The following RAD51B variants were observed in gnomAD, a reference collection of about 807,000 sequenced individuals.
RAD51B encodes the protein DNA repair protein RAD51 homolog 2.
RAD51B carries 38 observed loss-of-function variants against 42.2 expected under a neutral mutation model. The ratio of observed to expected loss-of-function variants is 0.90; its 90% CI spans 0.70 to 1.18. The LOEUF is 1.18. Ranked by LOEUF, RAD51B falls within the 50% of genes most tolerant of loss-of-function variation. RAD51B has a pLI of 0.00. For synonymous variants in RAD51B, 154 were observed against 145.2 expected, an observed-to-expected ratio of 1.06 and a Z score of -0.43; for missense variants, 373 against 400.7, an observed-to-expected ratio of 0.93 and a Z score of 0.59.
At chr14:68,370,988 G>T (rs1278688496) in intron 8 of RAD51B, among the ~76,000 whole-genome samples, 2 of 130,370 alleles carry the variant, frequency 1.5e-5, no homozygotes, top group Non-Finnish European at 3.1e-5. Flanking sequence ...AGTGAGCCAA[G>T]ACTGTGCTGC....
intron 7 of RAD51B, among the ~76,000 whole-genome samples, chr14:68,092,694 C>G (rs1198257670): frequency 6.6e-6 from 1 of 152,086 alleles, no homozygotes; most frequent in East Asian, 1.9e-4. Context: ...CCTTTATTTC[C>G]TTTTCCTGCC....
chr14:68,435,153 GTGT>G (rs2085115377), intron 9 of RAD51B, among the ~76,000 whole-genome samples: 2 of 152,074 alleles, frequency 1.3e-5, no homozygotes, highest in South Asian at 4.1e-4. Flanking sequence ...TACCCCATAG[GTGT>G]TGTTTTAAAC....
At chr14:68,318,481 C>T (rs1170485413) in intron 8 of RAD51B, among the ~76,000 whole-genome samples, 1 of 152,158 alleles carries the variant, frequency 6.6e-6, no homozygotes, top group African/African-American at 2.4e-5. Context: ...TTGCTAAGAC[C>T]TTGAACCTGG....
At chr14:68,591,259 G>A (rs1198476311) in intron 10 of RAD51B, among the ~76,000 whole-genome samples, 2 of 152,176 alleles carry the variant, frequency 1.3e-5, no homozygotes, top group Non-Finnish European at 2.9e-5. Flanking sequence ...AGAAGTCCCA[G>A]AAGTAGGAGC....
intron 9 of RAD51B, among the ~76,000 whole-genome samples, chr14:68,462,861 C>A (rs1210757430): frequency 6.6e-6 from 1 of 152,262 alleles, no homozygotes; most frequent in East Asian, 1.9e-4. Context: ...ACATACCTAC[C>A]ACAAGGAGCC....
intron 4 of RAD51B, among the ~76,000 whole-genome samples, chr14:67,854,740 A>T (rs1266560288): frequency 6.6e-6 from 1 of 151,932 alleles, no homozygotes; most frequent in East Asian, 1.9e-4. Flanking sequence ...AAGCAGAAGG[A>T]TCGCTTGAGG....
At chr14:68,324,490 G>T (rs193296598) in intron 8 of RAD51B, among the ~76,000 whole-genome samples, 1 of 152,312 alleles carries the variant, frequency 6.6e-6, no homozygotes, top group Non-Finnish European at 1.5e-5. Context: ...ACAAGATCAA[G>T]AACCAGGACT....
chr14:68,144,403 T>C (rs2078207293), intron 7 of RAD51B, among the ~76,000 whole-genome samples: 1 of 152,244 alleles, frequency 6.6e-6, no homozygotes, highest in African/African-American at 2.4e-5. Flanking sequence ...TTGAAGAATC[T>C]TGGCTCAATA....
intron 7 of RAD51B, among the ~76,000 whole-genome samples, chr14:68,267,826 C>T (rs1595631108): frequency 1.3e-5 from 2 of 152,180 alleles, no homozygotes; most frequent in African/African-American, 4.8e-5. Context: ...CTGCTGTTTT[C>T]ACCATGCTCT....
intron 7 of RAD51B, among the ~76,000 whole-genome samples, chr14:67,930,850 C>T (rs369668843): frequency 4.1e-4 from 62 of 151,328 alleles, no homozygotes; most frequent in African/African-American, 1.1e-3. Flanking sequence ...TCCCATATAT[C>T]ATGACGACTT....
chr14:67,892,812 G>A (rs2043259918), intron 7 of RAD51B, among the ~76,000 whole-genome samples: 1 of 152,242 alleles, frequency 6.6e-6, no homozygotes, highest in South Asian at 2.1e-4. Flanking sequence ...TAAGGCTTGA[G>A]TGAACTTTCC....
At chr14:68,114,369 T>G (rs2077506678) in intron 7 of RAD51B, among the ~76,000 whole-genome samples, 1 of 152,168 alleles carries the variant, frequency 6.6e-6, no homozygotes, top group South Asian at 2.1e-4. Context: ...GAAAATCATT[T>G]GTTTTATACT....
At chr14:68,391,402 C>T (rs1287624284) in intron 8 of RAD51B, among the ~76,000 whole-genome samples, 2 of 152,048 alleles carry the variant, frequency 1.3e-5, no homozygotes, top group East Asian at 1.9e-4. Flanking sequence ...ATTTCCAACT[C>T]GCTGGGGACC....
At chr14:68,144,818 ATTTG>A (rs2078216333) in intron 7 of RAD51B, among the ~76,000 whole-genome samples, 1 of 152,192 alleles carries the variant, frequency 6.6e-6, no homozygotes, top group African/African-American at 2.4e-5. Flanking sequence ...AAACAGATGA[ATTTG>A]TTTGCTAAAA....
chr14:68,443,495 CA>C (rs2085349915), intron 9 of RAD51B, among the ~76,000 whole-genome samples: 1 of 151,886 alleles, frequency 6.6e-6, no homozygotes, highest in African/African-American at 2.4e-5. Flanking sequence ...ACATGATGAC[CA>C]AAAAAATTCA....
At chr14:68,490,576 C>T (rs775008352) in intron 10 of RAD51B, among the ~76,000 whole-genome samples, 1 of 152,228 alleles carries the variant, frequency 6.6e-6, no homozygotes, top group Non-Finnish European at 1.5e-5. Context: ...GCTAACTCTT[C>T]TCTCTGGAAA....
At chr14:68,413,651 G>A (rs952691723) in intron 9 of RAD51B, among the ~76,000 whole-genome samples, 1 of 152,140 alleles carries the variant, frequency 6.6e-6, no homozygotes, top group African/African-American at 2.4e-5. Context: ...TCTCTGTCTA[G>A]TGACCTTATC....
intron 7 of RAD51B, among the ~76,000 whole-genome samples, chr14:68,087,165 C>A (rs1044662099): frequency 1.3e-5 from 2 of 151,726 alleles, no homozygotes; most frequent in African/African-American, 4.8e-5. Flanking sequence ...AGAGAGATGC[C>A]TGTGACAGCC....
At chr14:68,155,786 A>G (rs1206245116) in intron 7 of RAD51B, among the ~76,000 whole-genome samples, 1 of 152,208 alleles carries the variant, frequency 6.6e-6, no homozygotes, top group Non-Finnish European at 1.5e-5. Context: ...TGCAAATGTG[A>G]ATCCAGGATG....
Sources: allele counts gnomAD v4.1 joint callset (sites outside exome capture counted in the v4.1 genomes callset), GRCh38; gene constraint gnomAD v4.1.1; transcripts MANE v1.5; gene names NCBI Gene and HGNC (gene_info 2026-07-23, HGNC 2026-07-21).